VWA3B: variants seen among roughly 807,000 people sequenced by gnomAD.
VWA3B encodes von Willebrand factor A domain-containing protein 3B.
VWA3B carries 138 observed loss-of-function variants against 158.3 expected under a neutral mutation model. That is an observed-to-expected ratio of 0.87 (90% CI 0.76 to 1.00). The LOEUF (loss-of-function observed/expected upper bound fraction) is 1.00. Among genes scored for constraint, VWA3B ranks in the 50% least tolerant of loss-of-function variants. The pLI is 0.00. For missense variants in VWA3B, 1,555 were observed against 1,565.1 expected (o/e 0.99, Z 0.11); for synonymous variants, 596 against 587.3 (o/e 1.01, Z -0.21).
intron 5 of VWA3B, among the ~76,000 whole-genome samples, chr2:98,123,857 C>T (rs534437465): frequency 6.6e-6 from 1 of 152,250 alleles, no homozygotes; most frequent in South Asian, 2.1e-4. Flanking sequence ...TACCCAGAGC[C>T]CTGGTTCTAA....
At chr2:98,293,240 C>T (rs1014059375) in intron 23 of VWA3B, among the ~76,000 whole-genome samples, 1 of 152,102 alleles carries the variant, frequency 6.6e-6, no homozygotes, top group Non-Finnish European at 1.5e-5. Flanking sequence ...ACTATACTCC[C>T]AACAGCCGCA....
At chr2:98,197,432 A>G (rs1047723143) in intron 12 of VWA3B, among the ~76,000 whole-genome samples, 2 of 152,190 alleles carry the variant, frequency 1.3e-5, no homozygotes, top group Non-Finnish European at 2.9e-5. Flanking sequence ...CTCTGAAGCT[A>G]TGCAAATATC....
Position 98,104,876 on chromosome 2 carries a change from A to G in VWA3B, c.197-10776A>G, listed in dbSNP as rs114183552. Among the ~76,000 whole-genome samples, 796 of 152,320 alleles carry G rather than the reference A, an allele frequency of 5.2e-3. 12 individuals carry two copies. Among genetic ancestry groups the G allele is most frequent in the African/African-American group, 0.019 (772 of 41,578 alleles). ...AAAAGTAGATTTCATATGACTTCAT[A>G]TAAAATGAAACAAGTTTTCAACACT... On this transcript the variant is annotated intron_variant, in intron 2 of 27. Coordinates refer to ENST00000477737, the MANE Select transcript of VWA3B (RefSeq NM_144992.5).
chr2:98,152,713 G>A (rs796723542), intron 7 of VWA3B, among the ~76,000 whole-genome samples: 37 of 152,290 alleles, frequency 2.4e-4, no homozygotes, highest in African/African-American at 7.9e-4. Flanking sequence ...AAACAATTTT[G>A]GCATTGATGC....
rs559921094 is a variant in VWA3B, at chr2:98,227,418, C to T, written c.2020-784C>T. ...GATATTTATTCAGGAGGAATGAAAG[C>T]CGACGTCCATGCAAAGACTTGTATG... On this transcript the variant is annotated intron_variant, in intron 14 of 27. Transcript: ENST00000477737. Among the ~76,000 whole-genome samples, 3 of 152,274 alleles carry T rather than the reference C, an allele frequency of 2.0e-5. No individual in the cohort carries two copies. The South Asian group carries it at 6.2e-4, about 32-fold the overall frequency.
chr2:98,318,018 G>A (rs1691124324), downstream of VWA3B, among the ~76,000 whole-genome samples: 1 of 152,188 alleles, frequency 6.6e-6, no homozygotes, highest in Non-Finnish European at 1.5e-5. Context: ...TGGCACCAAT[G>A]AGATATCATC....
intron 8 of VWA3B, among the ~76,000 whole-genome samples, chr2:98,172,281 C>CA (rs1408213143): frequency 6.6e-6 from 1 of 152,182 alleles, no homozygotes; most frequent in Non-Finnish European, 1.5e-5. Flanking sequence ...CCCCTGGAGT[C>CA]AGGCGGCTTG....
intron 9 of VWA3B, among the ~76,000 whole-genome samples, chr2:98,181,594 C>T (rs1464618522): frequency 6.6e-6 from 1 of 152,264 alleles, no homozygotes. Context: ...TTCTGTGGTC[C>T]TCTTGTATTT....
At chr2:98,144,187 A>G (rs1676998021) in intron 7 of VWA3B, among the ~76,000 whole-genome samples, 2 of 152,166 alleles carry the variant, frequency 1.3e-5, no homozygotes, top group African/African-American at 4.8e-5. Context: ...GCATGGTTAT[A>G]TGTGTATACA....
chr2:98,216,540 G>T (rs1183221874), intron 13 of VWA3B, among the ~76,000 whole-genome samples: 1 of 152,254 alleles, frequency 6.6e-6, no homozygotes, highest in Non-Finnish European at 1.5e-5. Flanking sequence ...GCAGGGAGGA[G>T]ATGGAATCTC....
rs967155293 is a variant in VWA3B at position 98,211,015 on chromosome 2, C to A, written c.1738-915C>A. On this transcript the variant is annotated intron_variant, in intron 12 of 27. Transcript: ENST00000477737. ...ATACTCCCAGTGCCAGCGAGGAAAG[C>A]CACAGCATCCAGCGCTCTGCAGTGG... Among the ~76,000 whole-genome samples the A allele has an allele frequency of 2.0e-4, 30 of 152,342 alleles. 1 individual carries two copies. In the Middle Eastern group the frequency reaches 0.01, roughly 52 times the overall value.
chr2:98,252,741 A>G (rs1686876502), intron 20 of VWA3B, among the ~76,000 whole-genome samples: 1 of 152,142 alleles, frequency 6.6e-6, no homozygotes, highest in Non-Finnish European at 1.5e-5. Flanking sequence ...CCTTTTCCCA[A>G]GGATTTCAGG....
In VWA3B at chr2:98,218,366, T is replaced by C. The variant is rs187281704; in HGVS notation, c.2019+338T>C. On this transcript the variant is annotated intron_variant, in intron 14 of 27. Coordinates refer to ENST00000477737, the MANE Select transcript of VWA3B (RefSeq NM_144992.5). ...TCAAATATTACACAAAATAGAAGCA[T>C]ATATAGACCTCCATGTACCTATAAT... Among the ~76,000 whole-genome samples, 985 of 152,322 alleles carry C rather than the reference T, an allele frequency of 6.5e-3. 6 individuals carry two copies. The highest frequency in any genetic ancestry group is 0.023 in the African/African-American group (940 of 41,570).
Position 98,192,944 on chromosome 2 carries a change from C to T in VWA3B, c.1513C>T (p.His505Tyr). The T allele has an allele frequency of 6.2e-7, 1 of 1,614,150 alleles. No homozygotes were observed. Residue 505 changes from histidine (H) to tyrosine (Y), a missense_variant, in exon 11 of 28, where the codon CAT becomes TAT. His to Tyr is a moderately conservative substitution (Grantham distance 83). Transcript: ENST00000477737. ...DGSQSLFGRL[H>Y]NDCIYILIDT... is the part of the protein sequence containing the mutation. ...GAGTCAAAGCCTCTTTGGAAGATTG[C>T]ATAATGATTGCATCTACATTCTCAT... is the stretch of plus-strand genomic sequence containing the variant.
intron 19 of VWA3B, among the ~76,000 whole-genome samples, chr2:98,237,158 A>C (rs1685757672): frequency 6.6e-6 from 1 of 152,260 alleles, no homozygotes; most frequent in Non-Finnish European, 1.5e-5. Flanking sequence ...CCTGGGTGAC[A>C]AAGCGAGATC....
At chr2:98,200,914 A>G (rs1255507246) in intron 12 of VWA3B, among the ~76,000 whole-genome samples, 2 of 152,180 alleles carry the variant, frequency 1.3e-5, no homozygotes, top group African/African-American at 4.8e-5. Context: ...TGGAATTACT[A>G]TTGCTTCTTG....
chr2:98,242,054 A>G (rs1001486161), intron 19 of VWA3B, among the ~76,000 whole-genome samples: 1 of 152,176 alleles, frequency 6.6e-6, no homozygotes, highest in Non-Finnish European at 1.5e-5. Context: ...AAAAAGTAGA[A>G]TGGAGTTGAA....
Position 98,097,578 on chromosome 2 carries a change from A to G in VWA3B, c.196+4290A>G, listed in dbSNP as rs79077048. Among the ~76,000 whole-genome samples the G allele has an allele frequency of 1.2e-4, 19 of 152,270 alleles. No homozygotes were observed. The East Asian group carries it at 3.7e-3, about 29-fold the overall frequency. On this transcript the variant is annotated intron_variant, in intron 2 of 27. Coordinates refer to ENST00000477737, the MANE Select transcript of VWA3B (RefSeq NM_144992.5). ...AACATACATGTGCAGGTGTCCTTTTAAGACAATGACTTCTTTTCCTTTTGG... is the reference window on the plus strand; with the variant it reads ...AACATACATGTGCAGGTGTCCTTTTGAGACAATGACTTCTTTTCCTTTTGG...
chr2:98,175,942 G>A (rs527433544), intron 8 of VWA3B, among the ~76,000 whole-genome samples: 6 of 152,316 alleles, frequency 3.9e-5, no homozygotes, highest in African/African-American at 1.4e-4. Flanking sequence ...TGGTACTTTA[G>A]CAAGTGTAGG....
Sources: allele counts gnomAD v4.1 joint callset (sites outside exome capture counted in the v4.1 genomes callset), GRCh38; gene constraint gnomAD v4.1.1; transcripts MANE v1.5; gene names NCBI Gene and HGNC (gene_info 2026-07-23, HGNC 2026-07-21).